PEX2: variants seen among roughly 807,000 people sequenced by gnomAD.
PEX2 encodes the protein peroxisomal biogenesis factor 2, also known as peroxisome biogenesis factor 2.
Under a neutral mutation model 25.2 loss-of-function variants are expected in PEX2, and 19 were observed. That is an observed-to-expected ratio of 0.75 (90% CI 0.53 to 1.10). The LOEUF (loss-of-function observed/expected upper bound fraction) is 1.10. PEX2 is among the 50% of genes least tolerant of loss of function. PEX2 has a pLI of 0.00. For missense variants in PEX2, 347 were observed against 350.6 expected (o/e 0.99, Z 0.08); for synonymous variants, 141 against 127.7 (o/e 1.10, Z -0.70).
chr8:76,995,251 T>C (rs1274456116), intron 1 of PEX2, among the ~76,000 whole-genome samples: 1 of 152,198 alleles, frequency 6.6e-6, no homozygotes, highest in Non-Finnish European at 1.5e-5. Flanking sequence ...TTGTGCTCAT[T>C]TGGGTATAGC....
At chr8:76,997,026 C>A (rs1314089515) in intron 1 of PEX2, among the ~76,000 whole-genome samples, 1 of 152,174 alleles carries the variant, frequency 6.6e-6, no homozygotes, top group Non-Finnish European at 1.5e-5. Context: ...CAAAAGAAAT[C>A]TTTTTCCCCT....
chr8:76,997,914 G>T (rs993658836), intron 1 of PEX2, among the ~76,000 whole-genome samples: 10 of 152,128 alleles, frequency 6.6e-5, no homozygotes, highest in African/African-American at 2.2e-4. Context: ...TACAGACAGG[G>T]CAAATGGAGC....
rs1016776583 is a variant in PEX2, at chr8:76,982,986, G to T, written c.*275C>A. On this transcript the variant is annotated 3_prime_UTR_variant, in exon 4 of 4. Coordinates refer to ENST00000357039, the MANE Select transcript of PEX2 (RefSeq NM_000318.3). Reference sequence around the variant, plus strand: ...TTTTAAGAAGTAGTAAAATGAAGGAGCATTGTTAGTAGTCACCTGACAAAA... The same window carrying T: ...TTTTAAGAAGTAGTAAAATGAAGGATCATTGTTAGTAGTCACCTGACAAAA... 1 of 734,504 alleles carries T rather than the reference G, an allele frequency of 1.4e-6. No individual in the cohort carries two copies. The highest frequency in any genetic ancestry group is 2.0e-6 in the Non-Finnish European group (1 of 509,114). 45.5% of individuals were successfully genotyped at this position (734,504 alleles called of 1,614,324 possible). A position where few individuals can be genotyped will look rare whatever the true frequency, so the allele number is the denominator to read the frequency against.
intron 1 of PEX2, among the ~76,000 whole-genome samples, chr8:76,993,230 G>A (rs1312469785): frequency 7.9e-5 from 12 of 152,148 alleles, no homozygotes; most frequent in Admixed American, 7.9e-4. Flanking sequence ...TTGAAGAGAA[G>A]AGACATAATG....
At position 76,983,773 on chromosome 8, in the gene PEX2, T is replaced by C; in HGVS notation, c.406A>G (p.Lys136Glu). ...NHHLASFGKVKQCVNFVIGLL... is the reference protein window; with the variant it reads ...NHHLASFGKVEQCVNFVIGLL... ...CCAATCACAAAATTCACACACTGCT[T>C]GACTTTCCCAAATGATGCTAAATGA... The change falls in exon 4 of 4, where the codon AAG becomes GAG. Residue 136 changes from lysine (K) to glutamate (E), a missense_variant. By Grantham distance (56) the Lys-to-Glu change is moderately conservative (BLOSUM62 1). Coordinates refer to ENST00000357039, the MANE Select transcript of PEX2 (RefSeq NM_000318.3). 1 of 1,614,082 alleles carries C rather than the reference T, an allele frequency of 6.2e-7. No individual in the cohort carries two copies. Among genetic ancestry groups the C allele is most frequent in the Non-Finnish European group, 8.5e-7 (1 of 1,180,012 alleles).
chr8:76,996,449 C>T (rs555988667), intron 1 of PEX2, among the ~76,000 whole-genome samples: 100 of 152,194 alleles, frequency 6.6e-4, no homozygotes, highest in African/African-American at 2.2e-3. Flanking sequence ...TAGGATGGTA[C>T]CACAGGTCAC....
exon 1 of PEX2, chr8:77,000,076 ATTACCAAGGC>A (rs935828075): frequency 2.4e-6 from 1 of 412,508 alleles, no homozygotes; most frequent in Non-Finnish European, 4.8e-6. Context: ...CCGAATCTGG[ATTACCAAGGC>A]TTCCGGAACT....
At chr8:76,999,803 T>A in intron 1 of PEX2, 187 bp downstream of exon 1, 1 of 456,326 alleles carries the variant, frequency 2.2e-6, no homozygotes, top group South Asian at 1.5e-5. Flanking sequence ...TTTAGGAGTT[T>A]AGGTTTGCTT....
chr8:76,995,245 G>A (rs539133000), intron 1 of PEX2, among the ~76,000 whole-genome samples: 1 of 152,244 alleles, frequency 6.6e-6, no homozygotes, highest in African/African-American at 2.4e-5. Flanking sequence ...TCCCAGTTGT[G>A]CTCATTTGGG....
At chr8:76,998,250 T>C (rs1199292117) in intron 1 of PEX2, among the ~76,000 whole-genome samples, 1 of 152,196 alleles carries the variant, frequency 6.6e-6, no homozygotes, top group Non-Finnish European at 1.5e-5. Context: ...TGAGCTCTTT[T>C]AATGGGTGTG....
chr8:76,985,909 G>A lies in PEX2; in HGVS notation c.-18+278C>T, dbSNP rs184747916. The stretch of plus-strand genomic sequence containing the variant: ...CTGTTATGATTTTTAGTAAAAAGAT[G>A]ATAAACACAATTTATTAGAAGGTAA... On this transcript the variant is annotated intron_variant, in intron 3 of 3. Coordinates refer to ENST00000357039, the MANE Select transcript of PEX2 (RefSeq NM_000318.3). 4.5e-4 allele frequency among the ~76,000 whole-genome samples: 68 copies of A among 152,250 alleles called. No individual in the cohort carries two copies. In the East Asian group the frequency reaches 0.013, roughly 28 times the overall value.
intron 2 of PEX2, among the ~76,000 whole-genome samples, chr8:76,986,914 C>G (rs191403129): frequency 1.3e-5 from 2 of 152,270 alleles, no homozygotes; most frequent in East Asian, 3.9e-4. Flanking sequence ...ACAACTATCT[C>G]AGTTCCTGGT....
At chr8:76,999,755 T>C (rs748976808) in intron 1 of PEX2, 7 of 447,728 alleles carry the variant, frequency 1.6e-5, no homozygotes, top group Non-Finnish European at 9.0e-6. Flanking sequence ...TGCAGCTGTG[T>C]GTGTGTTTAT....
intron 1 of PEX2, among the ~76,000 whole-genome samples, chr8:76,999,197 C>T (rs1052727941): frequency 3.3e-5 from 5 of 151,990 alleles, no homozygotes; most frequent in Non-Finnish European, 5.9e-5. Flanking sequence ...GTTGTGAGCG[C>T]CCAAGTATCA....
chr8:76,999,086 G>A (rs933104570), intron 1 of PEX2, among the ~76,000 whole-genome samples: 2 of 151,822 alleles, frequency 1.3e-5, no homozygotes, highest in Non-Finnish European at 2.9e-5. Context: ...GATAATATAG[G>A]TGAGATCAGA....
Position 76,984,056 on chromosome 8 carries a change from A to G in PEX2, c.123T>C (p.Phe41=). 6.2e-7 allele frequency: 1 copy of G among 1,612,920 alleles called. No homozygotes were observed. ...CTAACAGCCCAGGTTTAAATCCATG[A>G]AAGCACTGAGTAAACTGGGACCAAA... is the stretch of plus-strand genomic sequence containing the variant. ...QLVWSQFTQC[F]HGFKPGLLAR... Residue 41 remains phenylalanine (F), a synonymous_variant, in exon 4 of 4, where the codon TTT becomes TTC. Coordinates refer to ENST00000357039, the MANE Select transcript of PEX2 (RefSeq NM_000318.3).
At position 76,983,219 on chromosome 8, in the gene PEX2, A is replaced by C; in HGVS notation, c.*42T>G. On this transcript the variant is annotated 3_prime_UTR_variant, in exon 4 of 4. Coordinates refer to ENST00000357039, the MANE Select transcript of PEX2 (RefSeq NM_000318.3). Reference sequence around the variant, plus strand: ...TAGGATGACTAATATTAAGAATTTAAACACGGTGCATTTTTTTCCTCAAAG... The same window carrying C: ...TAGGATGACTAATATTAAGAATTTACACACGGTGCATTTTTTTCCTCAAAG... The C allele has an allele frequency of 6.2e-7, 1 of 1,604,060 alleles. No individual in the cohort carries two copies. The highest frequency in any genetic ancestry group is 8.5e-7 in the Non-Finnish European group (1 of 1,179,772).
intron 1 of PEX2, among the ~76,000 whole-genome samples, chr8:76,996,380 A>AAACC (rs1807333175): frequency 6.6e-6 from 1 of 152,230 alleles, no homozygotes. Context: ...AACCAGCTCT[A>AAACC]AACCAGCGTC....
chr8:76,998,255 G>C lies in PEX2; in HGVS notation c.-160+1735C>G, dbSNP rs184446409. On this transcript the variant is annotated intron_variant, in intron 1 of 3. Coordinates refer to ENST00000357039, the MANE Select transcript of PEX2 (RefSeq NM_000318.3). ...GGGCTAGGACTGAGCTCTTTTAATG[G>C]GTGTGATGATGAGCAAGCCTGCTAA... 2.5e-4 allele frequency among the ~76,000 whole-genome samples: 38 copies of C among 152,248 alleles called. No homozygotes were observed. In the East Asian group the frequency reaches 7.3e-3, roughly 29 times the overall value.
Sources: gnomAD v4.1 joint callset for allele counts (sites outside exome capture counted in the v4.1 genomes callset) on GRCh38, gnomAD v4.1.1 for gene constraint, MANE v1.5 for transcripts, NCBI Gene and HGNC (gene_info 2026-07-23, HGNC 2026-07-21) for gene names.